GABRG3: variants seen among roughly 807,000 people sequenced by gnomAD.
GABRG3 encodes gamma-aminobutyric acid receptor subunit gamma-3.
A neutral mutation model predicts 48.8 loss-of-function variants in GABRG3; 25 were observed. The ratio of observed to expected loss-of-function variants is 0.51; its 90% CI spans 0.37 to 0.72. The LOEUF (loss-of-function observed/expected upper bound fraction) is 0.72. Among genes scored for constraint, GABRG3 ranks in the 30% least tolerant of loss-of-function variants. GABRG3 has a pLI of 0.00. For missense variants in GABRG3, 394 were observed against 577.9 expected, an observed-to-expected ratio of 0.68 and a Z score of 3.26; for synonymous variants, 227 against 217.6, an observed-to-expected ratio of 1.04 and a Z score of -0.38.
Position 27,002,091 on chromosome 15 carries a change from A to T in GABRG3, c.203-24663A>T, listed in dbSNP as rs151007900. Among the ~76,000 whole-genome samples the T allele has an allele frequency of 2.5e-3, 384 of 152,340 alleles. 1 individual carries two copies. The highest frequency in any genetic ancestry group is 6.2e-3 in the South Asian group (30 of 4,826). On this transcript the variant is annotated intron_variant, in intron 2 of 9. Coordinates refer to ENST00000615808, the MANE Select transcript of GABRG3 (RefSeq NM_033223.5). ...CAACTTTTAAAATATTCCTACCAGT[A>T]AACTCAACCTTCTTCCAACAACAAA...
chr15:27,174,904 A>G (rs537657866), intron 3 of GABRG3, among the ~76,000 whole-genome samples: 1 of 152,144 alleles, frequency 6.6e-6, no homozygotes, highest in Non-Finnish European at 1.5e-5. Context: ...TTTAGAAAAT[A>G]CCATCTGACA....
At chr15:27,527,306 C>T (rs1321829297) in intron 7 of GABRG3, 127 bp from the exon 8 acceptor site, 3 of 681,308 alleles carry the variant, frequency 4.4e-6, no homozygotes, top group Admixed American at 5.7e-5. Flanking sequence ...AGTAACATTA[C>T]ATGAGGTATG....
At chr15:27,118,050 C>T (rs961244724) in intron 3 of GABRG3, among the ~76,000 whole-genome samples, 8 of 152,250 alleles carry the variant, frequency 5.3e-5, no homozygotes, top group African/African-American at 1.9e-4. Flanking sequence ...ACGACCTCTT[C>T]TCTTAACCAG....
chr15:27,196,211 G>C (rs1051434859), intron 3 of GABRG3, among the ~76,000 whole-genome samples: 1 of 152,090 alleles, frequency 6.6e-6, no homozygotes, highest in African/African-American at 2.4e-5. Context: ...CAGCTCTTTT[G>C]TCTGATTTCC....
At chr15:27,057,033 T>C (rs573189726) in intron 3 of GABRG3, among the ~76,000 whole-genome samples, 95 of 152,234 alleles carry the variant, frequency 6.2e-4, no homozygotes, top group South Asian at 5.0e-3. Flanking sequence ...AGAGACAGGG[T>C]GTGGAGTAAA....
intron 5 of GABRG3, among the ~76,000 whole-genome samples, chr15:27,434,727 A>G (rs1223135510): frequency 6.6e-6 from 1 of 152,210 alleles, no homozygotes; most frequent in Non-Finnish European, 1.5e-5. Context: ...CCAGAGCAGC[A>G]GTATGAGGCA....
chr15:27,192,000 G>T (rs1888327766), intron 3 of GABRG3, among the ~76,000 whole-genome samples: 1 of 151,926 alleles, frequency 6.6e-6, no homozygotes, highest in African/African-American at 2.4e-5. Flanking sequence ...AGTTTGGCTG[G>T]ATATGAAATT....
At chr15:27,205,968 T>G (rs1414669083) in intron 3 of GABRG3, among the ~76,000 whole-genome samples, 1 of 152,100 alleles carries the variant, frequency 6.6e-6, no homozygotes, top group African/African-American at 2.4e-5. Context: ...TTTTAAAAAT[T>G]AGTCTAGCTA....
intron 5 of GABRG3, among the ~76,000 whole-genome samples, chr15:27,418,299 T>A (rs12591060): frequency 0.01 from 1,562 of 152,266 alleles, 60 homozygotes; most frequent in East Asian, 0.1. Context: ...AGGAGCAATC[T>A]CCTGGGAATT....
chr15:27,100,683 A>G (rs1897339983), intron 3 of GABRG3, among the ~76,000 whole-genome samples: 1 of 152,232 alleles, frequency 6.6e-6, no homozygotes, highest in African/African-American at 2.4e-5. Flanking sequence ...TTCAAAATCA[A>G]TCTGTGTGAT....
chr15:27,531,565 G>T (rs770615319), intron 9 of GABRG3, among the ~76,000 whole-genome samples: 3 of 152,140 alleles, frequency 2.0e-5, no homozygotes, highest in Non-Finnish European at 4.4e-5. Flanking sequence ...CTCCTCCTTG[G>T]TGTCACCCTC....
intron 3 of GABRG3, among the ~76,000 whole-genome samples, chr15:27,115,802 A>G (rs1897631595): frequency 2.0e-5 from 3 of 152,210 alleles, no homozygotes; most frequent in South Asian, 2.1e-4. Flanking sequence ...AAAATTTTCA[A>G]TTTTCAAATC....
intron 3 of GABRG3, among the ~76,000 whole-genome samples, chr15:27,260,243 C>T (rs1476350316): frequency 6.6e-6 from 1 of 152,190 alleles, no homozygotes; most frequent in African/African-American, 2.4e-5. Flanking sequence ...GCAGATGCTG[C>T]TTGCTGTGTC....
In GABRG3 at chr15:27,532,702, C is replaced by G; in HGVS notation, c.1225C>G (p.Leu409Val). 6 of 1,614,008 alleles carry G rather than the reference C, an allele frequency of 3.7e-6. No individual in the cohort carries two copies. Among genetic ancestry groups the G allele is most frequent in the Non-Finnish European group, 5.1e-6 (6 of 1,179,892 alleles). ...EFEDTCVYEC[L>V]DGKDCQSFFC... ...TGAAGATACCTGTGTCTATGAGTGT[C>G]TGGATGGCAAAGACTGTCAGAGCTT... The change falls in exon 10 of 10, where the codon CTG (leucine) becomes GTG (valine). Residue 409 changes from leucine (L) to valine (V), a missense_variant. Transcript: ENST00000615808.
chr15:27,282,626 GTTCTT>G (rs1418208949), intron 3 of GABRG3, among the ~76,000 whole-genome samples: 12 of 152,096 alleles, frequency 7.9e-5, no homozygotes, highest in African/African-American at 2.9e-4. Context: ...TGTCCATAGA[GTTCTT>G]AACTGCTCAC....
intron 5 of GABRG3, among the ~76,000 whole-genome samples, chr15:27,451,631 A>C (rs918781142): frequency 6.6e-6 from 1 of 152,224 alleles, no homozygotes; most frequent in Non-Finnish European, 1.5e-5. Flanking sequence ...AATCTGTGTG[A>C]TAATGTTTTA....
intron 6 of GABRG3, among the ~76,000 whole-genome samples, chr15:27,497,774 C>T (rs1027936711): frequency 6.6e-6 from 1 of 152,142 alleles, no homozygotes; most frequent in Non-Finnish European, 1.5e-5. Flanking sequence ...GATTGCCTTT[C>T]TGGCTTTCAT....
chr15:27,207,658 G>T (rs1004810278), intron 3 of GABRG3, among the ~76,000 whole-genome samples: 2 of 152,166 alleles, frequency 1.3e-5, no homozygotes, highest in African/African-American at 4.8e-5. Flanking sequence ...ACACCAGGGG[G>T]GCACAGATGT....
intron 7 of GABRG3, among the ~76,000 whole-genome samples, chr15:27,526,819 G>T (rs188832362): frequency 5.9e-4 from 90 of 152,134 alleles, no homozygotes; most frequent in Non-Finnish European, 1.1e-3. Context: ...CTGTGCTGGG[G>T]GACAAGCAAA....
Sources: gnomAD v4.1 joint callset for allele counts (sites outside exome capture counted in the v4.1 genomes callset) on GRCh38, gnomAD v4.1.1 for gene constraint, MANE v1.5 for transcripts, NCBI Gene and HGNC (gene_info 2026-07-23, HGNC 2026-07-21) for gene names.